The following LPAR6 variants were observed in gnomAD, a reference collection of about 807,000 sequenced individuals.
LPAR6 encodes the protein G-protein coupled purinergic receptor P2Y5.
LPAR6 carries 17 observed loss-of-function variants against 22.0 expected under a neutral mutation model. The observed-to-expected ratio is 0.77, with a 90% CI of 0.53 to 1.16. LPAR6 has a LOEUF of 1.16. Among genes scored for constraint, LPAR6 ranks in the 50% most tolerant of loss-of-function variants. The probability of loss-of-function intolerance (pLI) is 0.00; values close to 1 mark genes in which losing one functional copy is unlikely to be tolerated. For synonymous variants in LPAR6, 136 were observed against 139.8 expected, an observed-to-expected ratio of 0.97 and a Z score of 0.19; for missense variants, 384 against 406.9, an observed-to-expected ratio of 0.94 and a Z score of 0.48.
chr13:48,407,340 A>G (rs978180477), downstream of LPAR6, among the ~76,000 whole-genome samples: 7 of 152,198 alleles, frequency 4.6e-5, no homozygotes, highest in Non-Finnish European at 7.4e-5. Flanking sequence ...TTATTGTAGT[A>G]AATCTTTTGG....
upstream of LPAR6, among the ~76,000 whole-genome samples, chr13:48,428,824 G>A (rs572604209): frequency 6.6e-6 from 1 of 152,150 alleles, no homozygotes. Context: ...TAGAACAAGG[G>A]TTTTCTGTGA....
upstream of LPAR6, chr13:48,415,632 A>T (rs968516315): frequency 1.3e-5 from 2 of 152,124 alleles, no homozygotes; most frequent in Middle Eastern, 3.2e-3. Context: ...AAATGGATAG[A>T]TCACTATTTG....
chr13:48,411,151 T>C lies in LPAR6; in HGVS notation c.*238A>G, dbSNP rs1409870709. On this transcript the variant is annotated 3_prime_UTR_variant, in exon 1 of 1. Coordinates refer to ENST00000620633, the MANE Select transcript of LPAR6 (RefSeq NM_001162498.3). The stretch of plus-strand genomic sequence containing the variant: ...TTAGACACTAAATAACTTTAAGAGA[T>C]TTTTTTTAATGAAGGAACAAATCAA... The C allele has an allele frequency of 5.3e-6, 2 of 378,950 alleles. No homozygotes were observed. Among genetic ancestry groups the C allele is most frequent in the Non-Finnish European group, 9.7e-6 (2 of 206,842 alleles). The allele number at this position is 378,950 out of a possible 1,614,324, so 23.5% of individuals were successfully genotyped here. A position where few individuals can be genotyped will look rare whatever the true frequency, so the allele number is the denominator to read the frequency against.
At position 48,411,233 on chromosome 13, in the gene LPAR6, T is replaced by C; in HGVS notation, c.*156A>G. 2 of 657,464 alleles carry C rather than the reference T, an allele frequency of 3.0e-6. No individual in the cohort carries two copies. The allele number at this position is 657,464 out of a possible 1,614,324, so 40.7% of individuals were successfully genotyped here. On this transcript the variant is annotated 3_prime_UTR_variant, in exon 1 of 1. Coordinates refer to ENST00000620633, the MANE Select transcript of LPAR6 (RefSeq NM_001162498.3). ...CACAAATAAAATACATGTTAATGCT[T>C]AACACATTGAATACAAATTTTCTTT...
chr13:48,398,254 CAT>C (rs1021788623), intron 1 of LPAR6, among the ~76,000 whole-genome samples: 8 of 152,112 alleles, frequency 5.3e-5, no homozygotes, highest in African/African-American at 1.9e-4. Flanking sequence ...ATTCTGAAAA[CAT>C]AGCTAAAGCT....
chr13:48,424,234 A>G (rs935656559), intron 1 of LPAR6: 1 of 152,300 alleles, frequency 6.6e-6, no homozygotes, highest in Non-Finnish European at 1.5e-5. Flanking sequence ...CTAAGGAGAA[A>G]AAATCTTAAA....
At chr13:48,404,536 GTTTT>G (rs1332040276) in intron 1 of LPAR6, among the ~76,000 whole-genome samples, 1 of 149,886 alleles carries the variant, frequency 6.7e-6, no homozygotes, top group Non-Finnish European at 1.5e-5. Context: ...GATACTTTTT[GTTTT>G]TTTTTAATGA....
At chr13:48,415,034 A>G (rs576828788), upstream of LPAR6, among the ~76,000 whole-genome samples, 4 of 152,198 alleles carry the variant, frequency 2.6e-5, no homozygotes, top group East Asian at 7.7e-4. Context: ...AAAAAACAAA[A>G]TCTTAGTAAT....
At chr13:48,443,807 AT>A (rs898855338) in intron 1 of LPAR6, among the ~76,000 whole-genome samples, 17 of 151,264 alleles carry the variant, frequency 1.1e-4, no homozygotes, top group South Asian at 2.1e-4. Context: ...GCTTATATAC[AT>A]TTTTTTTTCT....
upstream of LPAR6, among the ~76,000 whole-genome samples, chr13:48,415,267 C>A (rs985068278): frequency 4.6e-5 from 7 of 151,420 alleles, no homozygotes; most frequent in African/African-American, 1.7e-4. Context: ...ATAGTTTTTT[C>A]TTTTCTTTTC....
At chr13:48,433,524 G>A (rs1156741646) in intron 1 of LPAR6, among the ~76,000 whole-genome samples, 2 of 152,004 alleles carry the variant, frequency 1.3e-5, no homozygotes, top group East Asian at 1.9e-4. Context: ...GAGAATTTCT[G>A]CCACTAAATA....
rs572392462 is a variant in LPAR6, at chr13:48,420,023, C to T, written c.-954+2627G>A. On this transcript the variant is annotated intron_variant, in intron 2 of 4. Transcript: ENST00000345941. ...AAGCAATAGAAGAAAAGAGAGTCCT[C>T]CTTAACTCATTTTATAAGCCAAGAA... Among the ~76,000 whole-genome samples, 4 of 152,272 alleles carry T rather than the reference C, an allele frequency of 2.6e-5. No homozygotes were observed. The South Asian group carries it at 8.3e-4, about 32-fold the overall frequency.
intron 1 of LPAR6, among the ~76,000 whole-genome samples, chr13:48,398,838 GT>G (rs932037535): frequency 6.6e-6 from 1 of 152,058 alleles, no homozygotes; most frequent in Non-Finnish European, 1.5e-5. Flanking sequence ...TAATATGTAT[GT>G]GTATTTTTTA....
chr13:48,420,020 C>A (rs749205004), intron 2 of LPAR6, among the ~76,000 whole-genome samples: 2 of 152,134 alleles, frequency 1.3e-5, no homozygotes, highest in Non-Finnish European at 2.9e-5. Flanking sequence ...AAAAGAGAGT[C>A]CTCCTTAACT....
rs1948832936 is a variant in LPAR6, at chr13:48,412,440, A to G, written c.-17T>C. 1 of 1,598,250 alleles carries G rather than the reference A, an allele frequency of 6.3e-7. No individual in the cohort carries two copies. On this transcript the variant is annotated 5_prime_UTR_variant, in exon 1 of 1. Coordinates refer to ENST00000620633, the MANE Select transcript of LPAR6 (RefSeq NM_001162498.3). ...GCTTACCATCGTAAAGGCACGTCCA[A>G]TTTTCAGTTTGGAAGCACTTTCATC...
chr13:48,426,559 C>T (rs1949082180), intron 1 of LPAR6: 1 of 152,198 alleles, frequency 6.6e-6, no homozygotes, highest in Admixed American at 6.5e-5. Context: ...CCTAGAAATT[C>T]AGAATAAAAG....
upstream of LPAR6, among the ~76,000 whole-genome samples, chr13:48,413,843 T>G (rs1948860744): frequency 6.6e-6 from 1 of 152,214 alleles, no homozygotes; most frequent in Non-Finnish European, 1.5e-5. Context: ...AAGCAAAATT[T>G]TTTTAACCTT....
intron 1 of LPAR6, among the ~76,000 whole-genome samples, chr13:48,395,031 C>T (rs996872322): frequency 5.9e-5 from 9 of 152,128 alleles, no homozygotes; most frequent in East Asian, 3.9e-4. Flanking sequence ...CCCTCTGGGA[C>T]GAAGCTTCCA....
chr13:48,439,954 A>ATAT (rs1949220509), intron 1 of LPAR6: 3 of 151,708 alleles, frequency 2.0e-5, no homozygotes, highest in Admixed American at 1.3e-4. Context: ...GGAGGAGATT[A>ATAT]GATAGATACA....
Sources: gnomAD v4.1 joint callset for allele counts (sites outside exome capture counted in the v4.1 genomes callset) on GRCh38, gnomAD v4.1.1 for gene constraint, MANE v1.5 for transcripts, NCBI Gene and HGNC (gene_info 2026-07-23, HGNC 2026-07-21) for gene names.